EFR3B: variants seen among roughly 807,000 people sequenced by gnomAD.
EFR3B encodes the protein protein EFR3 homolog B.
EFR3B carries 64 observed loss-of-function variants against 104.7 expected under a neutral mutation model. The observed-to-expected ratio is 0.61, with a 90% CI of 0.50 to 0.75. The LOEUF is 0.75. EFR3B is among the 30% of genes least tolerant of loss of function. The pLI is 0.00. For missense variants in EFR3B, 750 were observed against 1,078.5 expected, an observed-to-expected ratio of 0.70 and a Z score of 4.27; for synonymous variants, 385 against 417.9, an observed-to-expected ratio of 0.92 and a Z score of 0.96.
chr2:25,064,154 C>A (rs1005628462), intron 1 of EFR3B, among the ~76,000 whole-genome samples: 1 of 152,230 alleles, frequency 6.6e-6, no homozygotes, highest in Admixed American at 6.5e-5. Context: ...CGTGACCACC[C>A]TGGCCCTGGC....
At chr2:25,067,734 T>G (rs1406475391) in intron 1 of EFR3B, among the ~76,000 whole-genome samples, 2 of 152,208 alleles carry the variant, frequency 1.3e-5, no homozygotes, top group African/African-American at 4.8e-5. Context: ...GGGGCGGTGC[T>G]CAGAGCTCTG....
chr2:25,153,383 C>T (rs550469629), intron 21 of EFR3B, among the ~76,000 whole-genome samples: 1 of 152,020 alleles, frequency 6.6e-6, no homozygotes, highest in Admixed American at 6.6e-5. Context: ...AAAGAGCCGG[C>T]ACTAGTGCAG....
intron 1 of EFR3B, among the ~76,000 whole-genome samples, chr2:25,060,247 C>A (rs905249963): frequency 6.6e-6 from 1 of 152,088 alleles, no homozygotes; most frequent in African/African-American, 2.4e-5. Context: ...TATATTTTAC[C>A]ATAATTTTTT....
chr2:25,117,574 C>T (rs965881315), intron 4 of EFR3B, among the ~76,000 whole-genome samples: 5 of 152,066 alleles, frequency 3.3e-5, no homozygotes, highest in Non-Finnish European at 5.9e-5. Flanking sequence ...CCACCAAGCC[C>T]GGCTAATTTT....
At chr2:25,093,224 G>A in intron 3 of EFR3B, 94 bp downstream of exon 3, 2 of 1,469,222 alleles carry the variant, frequency 1.4e-6, no homozygotes, top group Non-Finnish European at 1.8e-6. Context: ...GCCAGGCAGA[G>A]TGGCTCACGC....
intron 1 of EFR3B, among the ~76,000 whole-genome samples, chr2:25,066,606 C>G (rs1363932328): frequency 1.3e-5 from 2 of 152,192 alleles, no homozygotes; most frequent in African/African-American, 4.8e-5. Context: ...ATGTCTTCAC[C>G]CTCTGAAGGA....
chr2:25,048,505 A>T (rs1328428722), intron 1 of EFR3B, among the ~76,000 whole-genome samples: 1 of 152,204 alleles, frequency 6.6e-6, no homozygotes, highest in Non-Finnish European at 1.5e-5. Context: ...CTTGGTACTC[A>T]AAGCTTTCTG....
chr2:25,056,724 C>T (rs1439251384), intron 1 of EFR3B, among the ~76,000 whole-genome samples: 1 of 152,002 alleles, frequency 6.6e-6, no homozygotes, highest in Non-Finnish European at 1.5e-5. Context: ...ACAGTAAGCA[C>T]GTCTGACCAT....
At position 25,131,806 on chromosome 2, in the gene EFR3B, G is replaced by A. The variant is rs774689193; in HGVS notation, c.1042G>A (p.Asp348Asn). ...TLLRQLRLSI[D>N]YALTGSYDGA... ...GCTGAGGCAGCTGCGGCTCAGCATC[G>A]ACTACGCGCTGACCGGGAGCTACGA... is the stretch of plus-strand genomic sequence containing the variant. Residue 348 changes from aspartate to asparagine, a missense_variant, in exon 10 of 23, where the codon GAC (aspartate) becomes AAC (asparagine). Physicochemically the swap from Asp to Asn is conservative, Grantham distance 23. Transcript: ENST00000403714. This position sits in a 1 kb window ranked among gnomAD's most constrained non-coding sequence, Gnocchi z 7.6. The A allele has an allele frequency of 1.9e-6, 3 of 1,548,822 alleles. No individual in the cohort carries two copies. The highest frequency in any genetic ancestry group is 2.4e-5 in the South Asian group (2 of 83,706).
chr2:25,130,576 G>A lies in EFR3B; in HGVS notation c.795G>A (p.Trp265Ter). 1 of 1,551,660 alleles carries A rather than the reference G, an allele frequency of 6.4e-7. No individual in the cohort carries two copies. Among genetic ancestry groups the A allele is most frequent in the Non-Finnish European group, 8.7e-7 (1 of 1,146,992 alleles). Residue 265 changes from tryptophan to a stop codon, truncating the protein, a stop_gained, in exon 8 of 23, where the codon TGG becomes TGA. Coordinates refer to ENST00000403714, the MANE Select transcript of EFR3B (RefSeq NM_014971.2). LOFTEE classifies it high-confidence loss of function. The surrounding 1 kb of genome is among the most constrained non-coding windows in gnomAD (Gnocchi z 4.6). Reference sequence around the variant, plus strand: ...GCCATCTGGATAACCATTCTCTTTGGGAACCCAAGGTGTTTGCCATCCGTT... The same window carrying A: ...GCCATCTGGATAACCATTCTCTTTGAGAACCCAAGGTGTTTGCCATCCGTT... ...VLIHLDNHSL[W>*]EPKVFAIRCF... is the part of the protein sequence containing the mutation.
intron 1 of EFR3B, chr2:25,080,311 T>TTTTTTTTTG: frequency 1.4e-6 from 1 of 734,946 alleles, no homozygotes; most frequent in Non-Finnish European, 2.1e-6. Context: ...TTTTTTTTTT[T>TTTTTTTTTG]GAGATGGAGT....
intron 1 of EFR3B, among the ~76,000 whole-genome samples, chr2:25,085,529 A>G (rs1668924903): frequency 6.6e-6 from 1 of 152,060 alleles, no homozygotes; most frequent in African/African-American, 2.4e-5. Flanking sequence ...TGGTGGCACA[A>G]TCTCAGCTCA....
At position 25,156,420 on chromosome 2, in the gene EFR3B, C is replaced by T. The variant is rs1671172043; in HGVS notation, c.*2080C>T. On this transcript the variant is annotated 3_prime_UTR_variant, in exon 23 of 23. Coordinates refer to ENST00000403714, the MANE Select transcript of EFR3B (RefSeq NM_014971.2). ...TCAAGTGATTCTCCTGCCTCAGCCT[C>T]CTGAGTAGCTGGGATTACAGGCGTG... is the stretch of plus-strand genomic sequence containing the variant. 6.6e-6 allele frequency: 1 copy of T among 150,756 alleles called. No homozygotes were observed. The highest frequency in any genetic ancestry group is 1.5e-5 in the Non-Finnish European group (1 of 67,942). The allele number at this position is 150,756 out of a possible 1,614,324, so 9.3% of individuals were successfully genotyped here. A position where few individuals can be genotyped will look rare whatever the true frequency, so the allele number is the denominator to read the frequency against.
At chr2:25,145,125 C>A in intron 19 of EFR3B, 74 bp downstream of exon 19, 1 of 1,360,436 alleles carries the variant, frequency 7.4e-7, no homozygotes, top group Non-Finnish European at 1.0e-6. Context: ...GGCTCCCCTG[C>A]CTGCATAGTG....
chr2:25,054,569 A>G (rs911954626), intron 1 of EFR3B, among the ~76,000 whole-genome samples: 1 of 152,048 alleles, frequency 6.6e-6, no homozygotes, highest in Non-Finnish European at 1.5e-5. Context: ...CCGCCTGCCA[A>G]AGTGTTGGGA....
rs753939111 is a variant in EFR3B at position 25,121,923 on chromosome 2, G to A, written c.485+129G>A. 5.5e-5 allele frequency: 72 copies of A among 1,309,042 alleles called. 1 individual carries two copies. In the East Asian group the frequency reaches 6.6e-4, roughly 12 times the overall value. The allele number at this position is 1,309,042 out of a possible 1,614,324, so 81.1% of individuals were successfully genotyped here. ...TATCTGTGTCTGCTCTGATGTTGCC[G>A]GGCAGGTGGGCCAGCACCCAGCTCC... On this transcript the variant is annotated intron_variant, in intron 5 of 22. Transcript: ENST00000403714.
At chr2:25,105,379 G>T (rs145221223) in intron 4 of EFR3B, among the ~76,000 whole-genome samples, 68 of 152,232 alleles carry the variant, frequency 4.5e-4, no homozygotes, top group African/African-American at 1.5e-3. Flanking sequence ...TTAAACTCCT[G>T]GGCTCAAGTG....
chr2:25,155,332 AC>A lies in EFR3B; in HGVS notation c.*993del, dbSNP rs1671131361. ...TGGGGCTCAAGGATATCAGAAGCCA[AC>A]TTTTTGGATGTTCCGTTTGAAGAAA... On this transcript the variant is annotated 3_prime_UTR_variant, in exon 23 of 23. Transcript: ENST00000403714. 2.6e-5 allele frequency: 4 copies of A among 152,212 alleles called. No homozygotes were observed. The highest frequency in any genetic ancestry group is 2.6e-4 in the Admixed American group (4 of 15,278). The allele number at this position is 152,212 out of a possible 1,614,324, so 9.4% of individuals were successfully genotyped here.
In EFR3B at chr2:25,042,574, G is replaced by A; in HGVS notation, c.7+255G>A. The A allele has an allele frequency of 8.3e-7, 1 of 1,200,846 alleles. No homozygotes were observed. Among genetic ancestry groups the A allele is most frequent in the Non-Finnish European group, 1.0e-6 (1 of 968,444 alleles). 74.4% of individuals were successfully genotyped at this position (1,200,846 alleles called of 1,614,324 possible). A position where few individuals can be genotyped will look rare whatever the true frequency, so the allele number is the denominator to read the frequency against. On this transcript the variant is annotated intron_variant, in intron 1 of 22. Transcript: ENST00000403714. The surrounding 1 kb of genome is among the most constrained non-coding windows in gnomAD (Gnocchi z 5.4). ...GGGCGGTGGTCCTTCGGGGGGCGGA[G>A]GCTCAGGGGAAAGCGGGTCTCCCGG...
Sources: allele counts gnomAD v4.1 joint callset (sites outside exome capture counted in the v4.1 genomes callset), GRCh38; gene constraint gnomAD v4.1.1; non-coding constraint Gnocchi (gnomAD v3.1); transcripts MANE v1.5; gene names NCBI Gene and HGNC (gene_info 2026-07-23, HGNC 2026-07-21).